WTAP: variants seen among roughly 807,000 people sequenced by gnomAD.
WTAP encodes WT1 associated protein.
WTAP carries 8 observed loss-of-function variants against 50.0 expected under a neutral mutation model. The ratio of observed to expected loss-of-function variants is 0.16; its 90% confidence interval spans 0.09 to 0.29. The LOEUF is 0.29. Among genes scored for constraint, WTAP ranks in the 10% least tolerant of loss-of-function variants. WTAP has a pLI of 1.00. For missense variants in WTAP, 295 were observed against 470.7 expected, an observed-to-expected ratio of 0.63 and a Z score of 3.45; for synonymous variants, 194 against 169.0, an observed-to-expected ratio of 1.15 and a Z score of -1.15.
rs896723926 is a variant in WTAP at position 159,755,451 on chromosome 6, G to A, written c.1031G>A (p.Gly344Asp). The change falls in exon 8 of 8, where the codon GGC becomes GAC. Residue 344 changes from glycine (G) to aspartate (D), a missense_variant. This residue lies in a region of WTAP where 175 missense variants were observed against 183.1 expected (regional missense o/e 0.96). Coordinates refer to ENST00000621533, the MANE Select transcript of WTAP (RefSeq NM_001270531.2). The part of the protein sequence containing the change: ...AGYESVDSPT[G>D]SENSLTHQSN... ...TATGAAAGTGTAGACTCTCCCACGG[G>A]CAGTGAAAACTCTCTCACACACCAA... The A allele has an allele frequency of 6.2e-7, 1 of 1,614,042 alleles. No homozygotes were observed. The highest frequency in any genetic ancestry group is 1.3e-5 in the African/African-American group (1 of 74,908).
In WTAP at chr6:159,755,749, G is replaced by GTTTTTTTTTTTTTTTGT. The variant is rs1402868444; in HGVS notation, c.*148_*149insTTTTTGTTTTTTTTTTT. The stretch of plus-strand genomic sequence containing the variant: ...TTTTTTTTTGTTGTTTTTTTTCTTT[G>GTTTTTTTTTTTTTTTGT]TTTTTTTTTTCTTTTCTTTTTTTTT... On this transcript the variant is annotated 3_prime_UTR_variant, in exon 8 of 8. Coordinates refer to ENST00000621533, the MANE Select transcript of WTAP (RefSeq NM_001270531.2). The GTTTTTTTTTTTTTTTGT allele has an allele frequency of 6.7e-6, 2 of 300,290 alleles. No homozygotes were observed. The highest frequency in any genetic ancestry group is 1.9e-4 in the South Asian group (1 of 5,358). The allele number at this position is 300,290 out of a possible 1,614,324, so 18.6% of individuals were successfully genotyped here.
intron 4 of WTAP, 36 bp downstream of exon 4, chr6:159,742,182 A>G (rs1241153664): frequency 1.3e-6 from 2 of 1,499,436 alleles, no homozygotes; most frequent in African/African-American, 1.4e-5. Context: ...AGACTGAATA[A>G]TCTCCTTTTG....
intron 1 of WTAP, among the ~76,000 whole-genome samples, chr6:159,735,405 CTGAGATTACAGTCG>C (rs1264276102): frequency 2.0e-5 from 3 of 152,206 alleles, no homozygotes; most frequent in African/African-American, 7.2e-5. Flanking sequence ...TCCCAAAATG[CTGAGATTACAGTCG>C]TGAGCCATCA....
rs750355245 is a variant in WTAP, at chr6:159,736,245, CT to C, written c.-8-3del. 4,035 of 1,268,234 alleles carry C rather than the reference CT, an allele frequency of 3.2e-3. No individual in the cohort carries two copies. The highest frequency in any genetic ancestry group is 9.1e-3 in the South Asian group (600 of 66,118). The allele number at this position is 1,268,234 out of a possible 1,614,324, so 78.6% of individuals were successfully genotyped here. A position where few individuals can be genotyped will look rare whatever the true frequency, so the allele number is the denominator to read the frequency against. On this transcript the variant is annotated splice_polypyrimidine_tract_variant and intron_variant, in intron 1 of 7. Coordinates refer to ENST00000621533, the MANE Select transcript of WTAP (RefSeq NM_001270531.2). Reference sequence around the variant, plus strand: ...AATAAATTGAACTTGTTTTCCGCAACTTTTTTTTTTAGGATTCAAGATGACC... The same window carrying C: ...AATAAATTGAACTTGTTTTCCGCAACTTTTTTTTTAGGATTCAAGATGACC...
chr6:159,731,954 T>A (rs1487754865), intron 1 of WTAP, among the ~76,000 whole-genome samples: 1 of 151,130 alleles, frequency 6.6e-6, no homozygotes, highest in Non-Finnish European at 1.5e-5. Flanking sequence ...GGAATAAGAA[T>A]ATGGATACCT....
chr6:159,736,422 TATAACAATA>T, intron 2 of WTAP, 127 bp downstream of exon 2: 2 of 758,998 alleles, frequency 2.6e-6, no homozygotes, highest in East Asian at 5.0e-5. Flanking sequence ...TCTTTGCCTT[TATAACAATA>T]ATAGCATTGG....
chr6:159,742,104 G>A lies in WTAP; in HGVS notation c.103G>A (p.Ala35Thr), dbSNP rs558627827. 1 of 1,604,658 alleles carries A rather than the reference G, an allele frequency of 6.2e-7. No homozygotes were observed. The highest frequency in any genetic ancestry group is 1.7e-5 in the Admixed American group (1 of 57,830). The change falls in exon 4 of 8, where the codon GCA (alanine) becomes ACA (threonine). Residue 35 changes from alanine (A) to threonine (T), a missense_variant. By Grantham distance (58) the Ala-to-Thr change is moderately conservative. Coordinates refer to ENST00000621533, the MANE Select transcript of WTAP (RefSeq NM_001270531.2). ...ELILRWKQYE[A>T]YVQALEGKYT... ...TTTTATTAGATGGAAACAATATGAAGCATATGTACAAGCTTTGGAGGGCAA... is the reference window on the plus strand; with the variant it reads ...TTTTATTAGATGGAAACAATATGAAACATATGTACAAGCTTTGGAGGGCAA...
At position 159,738,308 on chromosome 6, in the gene WTAP, G is replaced by A. The variant is rs111783607; in HGVS notation, c.31-682G>A. ...CCATTTGTATAATTGTTACTTCAGA[G>A]TGTTATATAAATGTAATCATGTAGT... On this transcript the variant is annotated intron_variant, in intron 2 of 7. Transcript: ENST00000621533. Among the ~76,000 whole-genome samples, 1,098 of 152,292 alleles carry A rather than the reference G, an allele frequency of 7.2e-3. 5 individuals are homozygous for A. Among genetic ancestry groups the A allele is most frequent in the East Asian group, 0.013 (70 of 5,188 alleles).
intron 7 of WTAP, 26 bp downstream of exon 7, chr6:159,753,640 CGTT>C (rs1562467893): frequency 9.5e-6 from 15 of 1,583,154 alleles, no homozygotes; most frequent in Non-Finnish European, 1.2e-5. Flanking sequence ...CTTTTTGGAA[CGTT>C]GTCTCAACTT....
chr6:159,737,015 A>T (rs1477920708), intron 2 of WTAP, among the ~76,000 whole-genome samples: 1 of 152,208 alleles, frequency 6.6e-6, no homozygotes, highest in African/African-American at 2.4e-5. Context: ...TGCTTTCATA[A>T]TCTGAGAATT....
At chr6:159,726,834 T>C, upstream of WTAP, 1 of 1,289,226 alleles carries the variant, frequency 7.8e-7, no homozygotes, top group Non-Finnish European at 1.0e-6. Flanking sequence ...CATCGGTTTC[T>C]AAGTTCTCAA....
chr6:159,747,157 G>A (rs1022603205), intron 5 of WTAP, among the ~76,000 whole-genome samples: 2 of 152,126 alleles, frequency 1.3e-5, no homozygotes, highest in Non-Finnish European at 2.9e-5. Context: ...GTTAGATCTT[G>A]GGCCAGATCT....
chr6:159,751,116 TAAA>T (rs1006780326), intron 6 of WTAP, among the ~76,000 whole-genome samples: 1 of 152,190 alleles, frequency 6.6e-6, no homozygotes, highest in African/African-American at 2.4e-5. Flanking sequence ...TTTGTAATTT[TAAA>T]AAATTATTTC....
Position 159,755,597 on chromosome 6 carries a change from G to C in WTAP, c.1177G>C (p.Gly393Arg), listed in dbSNP as rs986744225. ...NGLDSSVNVQGSVL is the reference protein window; with the variant it reads ...NGLDSSVNVQRSVL ...CTTGGACTCAAGTGTAAATGTACAG[G>C]GTTCAGTTTTGTAATATTTTTTCAG... The change falls in exon 8 of 8, where the codon GGT becomes CGT. Residue 393 changes from glycine to arginine, a missense_variant. Gly to Arg is a moderately radical substitution (Grantham distance 125, BLOSUM62 -2). Transcript: ENST00000621533. 1 of 1,600,876 alleles carries C rather than the reference G, an allele frequency of 6.2e-7. No homozygotes were observed. The highest frequency in any genetic ancestry group is 8.5e-7 in the Non-Finnish European group (1 of 1,173,500).
intron 6 of WTAP, 79 bp from the exon 7 acceptor site, chr6:159,753,381 C>G (rs1037317594): frequency 1.3e-6 from 2 of 1,587,000 alleles, no homozygotes; most frequent in Admixed American, 3.4e-5. Flanking sequence ...GTATGTGTTA[C>G]ATCTATCACT....
Position 159,748,568 on chromosome 6 carries a change from T to C in WTAP, c.452+199T>C. On this transcript the variant is annotated intron_variant, in intron 6 of 7. Coordinates refer to ENST00000621533, the MANE Select transcript of WTAP (RefSeq NM_001270531.2). This position sits in a 1 kb window ranked among gnomAD's most constrained non-coding sequence, Gnocchi z 5.6. Reference sequence around the variant, plus strand: ...GAACCTTGTGTTTCAGCTTTTTTCTTTTCCCCTTCCCCTTGCTTCAGAGGC... The same window carrying C: ...GAACCTTGTGTTTCAGCTTTTTTCTCTTCCCCTTCCCCTTGCTTCAGAGGC... 1 of 1,360,026 alleles carries C rather than the reference T, an allele frequency of 7.4e-7. No individual in the cohort carries two copies. Among genetic ancestry groups the C allele is most frequent in the Non-Finnish European group, 9.5e-7 (1 of 1,054,898 alleles). 84.2% of individuals were successfully genotyped at this position (1,360,026 alleles called of 1,614,324 possible).
chr6:159,728,693 T>G (rs1196112013), intron 1 of WTAP, among the ~76,000 whole-genome samples: 1 of 152,250 alleles, frequency 6.6e-6, no homozygotes, highest in Non-Finnish European at 1.5e-5. Context: ...GATGGATACA[T>G]TTTAATTCAT....
At chr6:159,732,968 G>A (rs1778680780) in intron 1 of WTAP, among the ~76,000 whole-genome samples, 1 of 151,474 alleles carries the variant, frequency 6.6e-6, no homozygotes, top group Non-Finnish European at 1.5e-5. Flanking sequence ...GGAAATGCCA[G>A]ATTTGATATC....
chr6:159,745,358 G>A (rs544608447), intron 5 of WTAP, among the ~76,000 whole-genome samples: 7 of 152,020 alleles, frequency 4.6e-5, no homozygotes, highest in Admixed American at 1.3e-4. Context: ...CAAGGCCTTC[G>A]GTGATACCTC....
Sources: gnomAD v4.1 joint callset for allele counts (sites outside exome capture counted in the v4.1 genomes callset) on GRCh38, gnomAD v4.1.1 for gene constraint, gnomAD v4.1.1 regional missense constraint, Gnocchi (gnomAD v3.1) non-coding constraint, MANE v1.5 for transcripts, NCBI Gene and HGNC (gene_info 2026-07-23, HGNC 2026-07-21) for gene names.